ASIC2: variants seen among roughly 807,000 people sequenced by gnomAD.
ASIC2 encodes acid-sensing ion channel 2.
A neutral mutation model predicts 57.3 loss-of-function variants in ASIC2; 25 were observed. The observed-to-expected ratio is 0.44, with a 90% CI of 0.32 to 0.61. The LOEUF is 0.61. ASIC2 is among the 20% of genes least tolerant of loss of function. ASIC2 has a pLI of 0.06. For missense variants in ASIC2, 641 were observed against 738.1 expected (o/e 0.87, Z 1.52); for synonymous variants, 319 against 307.5 (o/e 1.04, Z -0.39).
At chr17:33,555,233 T>TA (rs1419921661) in intron 1 of ASIC2, among the ~76,000 whole-genome samples, 1 of 152,210 alleles carries the variant, frequency 6.6e-6, no homozygotes, top group Non-Finnish European at 1.5e-5. Flanking sequence ...AGGTCCCACT[T>TA]ATGCTTTTGG....
At chr17:33,989,844 C>G (rs1905946908) in intron 1 of ASIC2, among the ~76,000 whole-genome samples, 1 of 152,154 alleles carries the variant, frequency 6.6e-6, no homozygotes, top group Admixed American at 6.5e-5. Flanking sequence ...AAGAGGCACA[C>G]AGGAGACCTG....
intron 1 of ASIC2, chr17:34,070,448 G>A (rs1189272084): frequency 6.6e-6 from 1 of 152,138 alleles, no homozygotes; most frequent in African/African-American, 2.4e-5. Flanking sequence ...ACTCAGAGGA[G>A]GTTAAACCCC....
chr17:34,148,467 G>A (rs570650222), intron 1 of ASIC2, among the ~76,000 whole-genome samples: 2 of 152,314 alleles, frequency 1.3e-5, no homozygotes, highest in Admixed American at 1.3e-4. Flanking sequence ...CCAAATGTTC[G>A]CAAGACTTCA....
intron 1 of ASIC2, among the ~76,000 whole-genome samples, chr17:33,354,408 G>T (rs1286490127): frequency 6.6e-6 from 1 of 152,136 alleles, no homozygotes; most frequent in Non-Finnish European, 1.5e-5. Context: ...CTCCACTGCA[G>T]CCAGCATGAA....
At chr17:33,096,998 T>TCTACC (rs1470364612) in intron 2 of ASIC2, among the ~76,000 whole-genome samples, 4 of 152,162 alleles carry the variant, frequency 2.6e-5, no homozygotes, top group Non-Finnish European at 5.9e-5. Context: ...GGTGCCCCCA[T>TCTACC]TTTACAGACA....
intron 1 of ASIC2, among the ~76,000 whole-genome samples, chr17:33,959,877 G>A (rs765991145): frequency 6.6e-6 from 1 of 152,192 alleles, no homozygotes; most frequent in Non-Finnish European, 1.5e-5. Context: ...TAACCATCAT[G>A]CCTGCTGTTC....
intron 1 of ASIC2, among the ~76,000 whole-genome samples, chr17:33,298,642 T>C (rs953359691): frequency 6.6e-6 from 1 of 152,222 alleles, no homozygotes; most frequent in Non-Finnish European, 1.5e-5. Flanking sequence ...CAAATGGTAT[T>C]TCTAGTTCTA....
intron 1 of ASIC2, among the ~76,000 whole-genome samples, chr17:34,030,627 A>G (rs8073882): frequency 0.13 from 19,797 of 152,258 alleles, 1,362 homozygotes; most frequent in South Asian, 0.19. Flanking sequence ...GGTGATAGAC[A>G]GCACCTGGAA....
At chr17:33,505,932 G>A (rs938603774) in intron 1 of ASIC2, among the ~76,000 whole-genome samples, 1 of 152,100 alleles carries the variant, frequency 6.6e-6, no homozygotes, top group African/African-American at 2.4e-5. Context: ...CTCCCTTACT[G>A]GACTTCAAGC....
intron 1 of ASIC2, among the ~76,000 whole-genome samples, chr17:33,471,911 A>G (rs1597740845): frequency 6.6e-6 from 1 of 152,070 alleles, no homozygotes; most frequent in Non-Finnish European, 1.5e-5. Flanking sequence ...AAGTGATAGT[A>G]TTTCCTCATT....
intron 1 of ASIC2, among the ~76,000 whole-genome samples, chr17:34,120,718 C>A (rs1911587348): frequency 7.6e-6 from 1 of 131,064 alleles, no homozygotes; most frequent in Non-Finnish European, 1.6e-5. Flanking sequence ...TGACTGGGGT[C>A]CTTCTTTTTT....
At chr17:33,100,449 G>T (rs532533297) in intron 2 of ASIC2, 83 of 152,342 alleles carry the variant, frequency 5.4e-4, no homozygotes, top group Non-Finnish European at 6.6e-4. Flanking sequence ...TAAAACCAAA[G>T]GTCAACTTCT....
At chr17:34,000,623 C>T (rs1597968478) in intron 1 of ASIC2, among the ~76,000 whole-genome samples, 1 of 152,132 alleles carries the variant, frequency 6.6e-6, no homozygotes, top group Non-Finnish European at 1.5e-5. Flanking sequence ...ATTACTCTCT[C>T]CAGGTTTGGG....
At chr17:33,181,552 G>A (rs950060539) in intron 1 of ASIC2, among the ~76,000 whole-genome samples, 14 of 152,110 alleles carry the variant, frequency 9.2e-5, no homozygotes, top group African/African-American at 3.4e-4. Context: ...GGTGGCCCCT[G>A]ACATTCTTTG....
chr17:33,885,905 T>C (rs1044412375), intron 1 of ASIC2, among the ~76,000 whole-genome samples: 1 of 152,240 alleles, frequency 6.6e-6, no homozygotes, highest in Non-Finnish European at 1.5e-5. Context: ...AATTTTCATT[T>C]CTGGCTTCTT....
At chr17:33,840,405 A>T (rs1039864113) in intron 1 of ASIC2, among the ~76,000 whole-genome samples, 2 of 152,212 alleles carry the variant, frequency 1.3e-5, no homozygotes, top group African/African-American at 4.8e-5. Flanking sequence ...CGCTTCAGGC[A>T]TGGGAAACAG....
chr17:34,072,469 C>T (rs138415390), intron 1 of ASIC2: 1 of 152,302 alleles, frequency 6.6e-6, no homozygotes, highest in Non-Finnish European at 1.5e-5. Context: ...CGTGGCAAAG[C>T]CAGCATAGAG....
intron 1 of ASIC2, among the ~76,000 whole-genome samples, chr17:33,637,635 T>A: frequency 6.6e-6 from 1 of 152,052 alleles, no homozygotes; most frequent in East Asian, 1.9e-4. Flanking sequence ...ACAATAAATA[T>A]ACACAATGCT....
chr17:33,493,641 C>G (rs1011667376), intron 1 of ASIC2, among the ~76,000 whole-genome samples: 1 of 152,106 alleles, frequency 6.6e-6, no homozygotes, highest in Non-Finnish European at 1.5e-5. Context: ...CTAGGACTAG[C>G]GCTCTGTTAA....
Sources: gnomAD v4.1 joint callset for allele counts (sites outside exome capture counted in the v4.1 genomes callset) on GRCh38, gnomAD v4.1.1 for gene constraint, MANE v1.5 for transcripts, NCBI Gene and HGNC (gene_info 2026-07-23, HGNC 2026-07-21) for gene names.